Variants in ABTB3 observed in about 807,000 individuals in gnomAD.
ABTB3 encodes the protein ankyrin repeat- and BTB/POZ domain-containing protein 3.
the ABTB3 span, among the ~76,000 whole-genome samples, chr12:107,542,895 G>T: frequency 4.6e-5 from 7 of 152,270 alleles, no homozygotes; most frequent in East Asian, 1.2e-3. Context: ...ATGTTGAGTA[G>T]GCCCAGGAGG....
the ABTB3 span, among the ~76,000 whole-genome samples, chr12:107,469,949 T>TTTCC: frequency 2.1e-5 from 1 of 46,580 alleles, no homozygotes; most frequent in Non-Finnish European, 3.8e-5. Flanking sequence ...TTTCTCTTTC[T>TTTCC]TTCTTTCTTT....
At chr12:107,580,961 C>T in the ABTB3 span, 3 of 1,551,676 alleles carry the variant, frequency 1.9e-6, no homozygotes, top group African/African-American at 1.4e-5. Flanking sequence ...GTCACCGGTG[C>T]GGTCCGGATG....
chr12:107,329,230 G>A, the ABTB3 span, among the ~76,000 whole-genome samples: 5 of 152,148 alleles, frequency 3.3e-5, no homozygotes, highest in Non-Finnish European at 5.9e-5. Flanking sequence ...GAATCACAGA[G>A]CTGGGTTTTT....
chr12:107,325,603 T>C, the ABTB3 span, among the ~76,000 whole-genome samples: 1 of 152,198 alleles, frequency 6.6e-6, no homozygotes, highest in African/African-American at 2.4e-5. Context: ...AGGACTAACC[T>C]GAAGACCTAG....
the ABTB3 span, among the ~76,000 whole-genome samples, chr12:107,599,774 T>C: frequency 0.014 from 2,077 of 152,122 alleles, 19 homozygotes; most frequent in Non-Finnish European, 0.023. Context: ...AATATGCATG[T>C]GTGAATTATT....
At chr12:107,582,617 T>C in the ABTB3 span, among the ~76,000 whole-genome samples, 2 of 152,176 alleles carry the variant, frequency 1.3e-5, no homozygotes, top group African/African-American at 4.8e-5. Context: ...ACAAAAGATT[T>C]CTCTCTTTTA....
chr12:107,319,849 A>G, the ABTB3 span: 1 of 1,219,868 alleles, frequency 8.2e-7, no homozygotes. Context: ...CCTGCAGCGC[A>G]GCCAGCAGCG....
At chr12:107,426,443 C>A in the ABTB3 span, among the ~76,000 whole-genome samples, 1 of 152,118 alleles carries the variant, frequency 6.6e-6, no homozygotes, top group Admixed American at 6.5e-5. Flanking sequence ...GAGTGGGCTC[C>A]CTGGCTGCTG....
the ABTB3 span, among the ~76,000 whole-genome samples, chr12:107,410,616 A>T: frequency 6.6e-6 from 1 of 152,172 alleles, no homozygotes; most frequent in East Asian, 1.9e-4. Flanking sequence ...AGGCAGTAGC[A>T]GTGGAGATGG....
the ABTB3 span, among the ~76,000 whole-genome samples, chr12:107,333,700 A>G: frequency 8.7e-4 from 132 of 152,354 alleles, 1 homozygote; most frequent in African/African-American, 3.1e-3. Flanking sequence ...TATACCAGGT[A>G]TGGTTCTAGA....
the ABTB3 span, among the ~76,000 whole-genome samples, chr12:107,495,254 T>C: frequency 3.9e-5 from 6 of 152,188 alleles, no homozygotes; most frequent in Non-Finnish European, 7.4e-5. Flanking sequence ...ACTTAGCCAG[T>C]GTCCAGCCTG....
chr12:107,424,167 T>A, the ABTB3 span, among the ~76,000 whole-genome samples: 2 of 152,192 alleles, frequency 1.3e-5, no homozygotes, highest in Non-Finnish European at 2.9e-5. Context: ...AAAAACCAGT[T>A]CAGATTCTCC....
chr12:107,447,468 C>G, the ABTB3 span, among the ~76,000 whole-genome samples: 2 of 152,152 alleles, frequency 1.3e-5, no homozygotes, highest in African/African-American at 2.4e-5. Flanking sequence ...CTCCTGTCCC[C>G]CTTCCAGCCC....
the ABTB3 span, among the ~76,000 whole-genome samples, chr12:107,590,915 G>A: frequency 4.6e-5 from 7 of 152,146 alleles, no homozygotes; most frequent in African/African-American, 1.7e-4. Context: ...CCTCAGGCCA[G>A]CAAAGCTCCC....
At chr12:107,469,942 C>CTCTTTCTTTCTTTCTT in the ABTB3 span, among the ~76,000 whole-genome samples, 21 of 59,346 alleles carry the variant, frequency 3.5e-4, 1 homozygote, top group East Asian at 1.1e-3. Flanking sequence ...CTCTTTCTTT[C>CTCTTTCTTTCTTTCTT]TCTTTCTTTC....
the ABTB3 span, among the ~76,000 whole-genome samples, chr12:107,448,343 T>C: frequency 4.6e-5 from 7 of 152,094 alleles, no homozygotes; most frequent in Admixed American, 2.0e-4. Context: ...GTTGCTTGAG[T>C]CTCACATCCA....
chr12:107,443,819 C>G, the ABTB3 span, among the ~76,000 whole-genome samples: 1 of 152,208 alleles, frequency 6.6e-6, no homozygotes, highest in South Asian at 2.1e-4. Context: ...GGTCGGGACA[C>G]TGGATGGCTG....
chr12:107,543,877 C>A, the ABTB3 span: 1 of 1,478,556 alleles, frequency 6.8e-7, no homozygotes. Flanking sequence ...TCTTCAGGTA[C>A]AGTTTCTCTG....
chr12:107,508,434 ATTTCTTTTTTTT>A, the ABTB3 span, among the ~76,000 whole-genome samples: 1 of 58,718 alleles, frequency 1.7e-5, no homozygotes, highest in Non-Finnish European at 3.8e-5. Flanking sequence ...CTCAAAGATC[ATTTCTTTTTTTT>A]TTTTTTTTTT....
Sources: allele counts gnomAD v4.1 joint callset (sites outside exome capture counted in the v4.1 genomes callset), GRCh38; gene constraint gnomAD v4.1.1; transcripts MANE v1.5; gene names NCBI Gene and HGNC (gene_info 2026-07-23, HGNC 2026-07-21).